The following PLCXD3 variants were observed in gnomAD, a reference collection of about 807,000 sequenced individuals.
PLCXD3 encodes phosphatidylinositol specific phospholipase C X domain containing 3, also known as PI-PLC X domain-containing protein 3.
Under a neutral mutation model 25.5 loss-of-function variants are expected in PLCXD3, and 19 were observed. The observed-to-expected ratio is 0.75, with a 90% CI of 0.52 to 1.09. The LOEUF is 1.09. Ranked by LOEUF, PLCXD3 falls within the 50% of genes least tolerant of loss-of-function variation. The pLI, the probability that PLCXD3 is intolerant of heterozygous loss-of-function variation, is 0.00. For missense variants in PLCXD3, 411 were observed against 388.1 expected (o/e 1.06, Z -0.50); for synonymous variants, 174 against 137.6 (o/e 1.26, Z -1.85).
At chr5:41,449,844 C>T (rs867444893) in intron 1 of PLCXD3, among the ~76,000 whole-genome samples, 10 of 151,822 alleles carry the variant, frequency 6.6e-5, no homozygotes, top group South Asian at 2.1e-4. Flanking sequence ...GAATGGGGGG[C>T]GAGGAAGGGC....
chr5:41,491,642 G>A lies in PLCXD3; in HGVS notation c.103+18782C>T, dbSNP rs980318933. Among the ~76,000 whole-genome samples, 20 of 152,142 alleles carry A rather than the reference G, an allele frequency of 1.3e-4. No homozygotes were observed. In the South Asian group the frequency reaches 2.9e-3, roughly 22 times the overall value. On this transcript the variant is annotated intron_variant, in intron 1 of 2. Coordinates refer to ENST00000377801, the MANE Select transcript of PLCXD3 (RefSeq NM_001005473.3). The stretch of plus-strand genomic sequence containing the variant: ...CCTGTGTTGGGTGCATATATATTTA[G>A]GATAGTTAGCTCTTCTTGTTGAATT...
intron 1 of PLCXD3, among the ~76,000 whole-genome samples, chr5:41,509,132 A>G (rs1738963376): frequency 6.6e-6 from 1 of 152,088 alleles, no homozygotes; most frequent in Non-Finnish European, 1.5e-5. Flanking sequence ...GCATCTAGTG[A>G]TTTTCAAAAT....
intron 2 of PLCXD3, among the ~76,000 whole-genome samples, chr5:41,326,751 A>G (rs1743639140): frequency 6.6e-6 from 1 of 152,160 alleles, no homozygotes; most frequent in South Asian, 2.1e-4. Context: ...GTGAGTGTAC[A>G]TAGCACATAA....
intron 1 of PLCXD3, among the ~76,000 whole-genome samples, chr5:41,441,009 C>A (rs1411729475): frequency 6.6e-6 from 1 of 152,154 alleles, no homozygotes. Context: ...GACTTCAGGC[C>A]CACAGAATCA....
chr5:41,393,398 GA>G (rs1278041872), intron 1 of PLCXD3, among the ~76,000 whole-genome samples: 1 of 152,134 alleles, frequency 6.6e-6, no homozygotes, highest in Non-Finnish European at 1.5e-5. Context: ...TGGGCCAGGA[GA>G]AAGTGGCATA....
chr5:41,498,809 A>AT (rs1748892826), intron 1 of PLCXD3, among the ~76,000 whole-genome samples: 1 of 151,878 alleles, frequency 6.6e-6, no homozygotes. Flanking sequence ...ATACACCACG[A>AT]TTAAGTGGGA....
At chr5:41,361,590 C>T (rs553389678) in intron 2 of PLCXD3, among the ~76,000 whole-genome samples, 92 of 152,226 alleles carry the variant, frequency 6.0e-4, no homozygotes, top group African/African-American at 2.1e-3. Context: ...TTAAACCCCA[C>T]AAAAAACATG....
At chr5:41,477,680 T>TA (rs145414772) in intron 1 of PLCXD3, among the ~76,000 whole-genome samples, 1,739 of 148,778 alleles carry the variant, frequency 0.012, 28 homozygotes, top group African/African-American at 0.04. Context: ...AAAAAAAAAT[T>TA]AAAAAAAAAA....
chr5:41,326,168 C>G (rs146181466), intron 2 of PLCXD3, among the ~76,000 whole-genome samples: 1 of 152,106 alleles, frequency 6.6e-6, no homozygotes. Flanking sequence ...CTTTCTATCC[C>G]TCCATTCATC....
At chr5:41,503,987 TTGTGTGTGTGTGTG>T (rs36021542) in intron 1 of PLCXD3, among the ~76,000 whole-genome samples, 1 of 148,454 alleles carries the variant, frequency 6.7e-6, no homozygotes, top group Non-Finnish European at 1.5e-5. Context: ...GTGTGTGCAC[TTGTGTGTGTGTGTG>T]TGTGTGTGTG....
intron 1 of PLCXD3, among the ~76,000 whole-genome samples, chr5:41,491,680 A>G (rs1389435716): frequency 6.6e-6 from 1 of 151,992 alleles, no homozygotes; most frequent in Non-Finnish European, 1.5e-5. Context: ...TCCCTTTAGC[A>G]TTATGTAATG....
intron 1 of PLCXD3, among the ~76,000 whole-genome samples, chr5:41,386,145 G>A (rs1490799824): frequency 2.0e-5 from 3 of 152,112 alleles, no homozygotes; most frequent in African/African-American, 4.8e-5. Context: ...ACTGGCTAAA[G>A]GGAGGAGTTG....
chr5:41,404,352 C>T (rs550833336), intron 1 of PLCXD3, among the ~76,000 whole-genome samples: 3 of 152,034 alleles, frequency 2.0e-5, no homozygotes, highest in Admixed American at 1.3e-4. Flanking sequence ...CTTACAATTC[C>T]TTATTTTATT....
chr5:41,331,524 A>G (rs1249168482), intron 2 of PLCXD3, among the ~76,000 whole-genome samples: 1 of 152,210 alleles, frequency 6.6e-6, no homozygotes, highest in African/African-American at 2.4e-5. Context: ...TGCCCAAGGT[A>G]ATTTGTAGAT....
At chr5:41,431,172 T>A (rs1372556266) in intron 1 of PLCXD3, among the ~76,000 whole-genome samples, 3 of 152,226 alleles carry the variant, frequency 2.0e-5, no homozygotes, top group African/African-American at 7.2e-5. Context: ...TATCTCTAAC[T>A]GTCGATGTTT....
intron 1 of PLCXD3, among the ~76,000 whole-genome samples, chr5:41,419,532 C>G (rs1480502136): frequency 6.6e-6 from 1 of 152,150 alleles, no homozygotes; most frequent in African/African-American, 2.4e-5. Context: ...AGTATTTCTG[C>G]TCCATGTTAA....
intron 2 of PLCXD3, among the ~76,000 whole-genome samples, chr5:41,375,455 TTCCAGTCAGC>T (rs1234872707): frequency 1.3e-5 from 2 of 152,136 alleles, no homozygotes; most frequent in Non-Finnish European, 2.9e-5. Context: ...CTTTCTCTGC[TTCCAGTCAGC>T]TCTATGTCCT....
chr5:41,463,678 C>T (rs1747945467), intron 1 of PLCXD3, among the ~76,000 whole-genome samples: 1 of 151,986 alleles, frequency 6.6e-6, no homozygotes. Context: ...AGAGGCTCCA[C>T]ATCTTCCCCA....
At chr5:41,397,199 G>A (rs1309919656) in intron 1 of PLCXD3, among the ~76,000 whole-genome samples, 1 of 152,166 alleles carries the variant, frequency 6.6e-6, no homozygotes, top group South Asian at 2.1e-4. Context: ...CCTATCACAG[G>A]CCTGGAGGCC....
Sources: allele counts gnomAD v4.1 joint callset (sites outside exome capture counted in the v4.1 genomes callset), GRCh38; gene constraint gnomAD v4.1.1; transcripts MANE v1.5; gene names NCBI Gene and HGNC (gene_info 2026-07-23, HGNC 2026-07-21).